The following PTPRK variants were observed in gnomAD, a reference collection of about 807,000 sequenced individuals.
PTPRK encodes the protein receptor-type tyrosine-protein phosphatase kappa.
PTPRK carries 75 observed loss-of-function variants against 178.0 expected under a neutral mutation model. The observed-to-expected ratio is 0.42, with a 90% CI of 0.35 to 0.51. PTPRK has a LOEUF of 0.51. Among genes scored for constraint, PTPRK ranks in the 20% least tolerant of loss-of-function variants. The pLI is 0.02. For synonymous variants in PTPRK, 637 were observed against 620.6 expected, an observed-to-expected ratio of 1.03 and a Z score of -0.39; for missense variants, 1,441 against 1,797.8, an observed-to-expected ratio of 0.80 and a Z score of 3.59.
intron 8 of PTPRK, among the ~76,000 whole-genome samples, chr6:128,088,067 T>C (rs1466303560): frequency 2.0e-5 from 3 of 152,162 alleles, no homozygotes; most frequent in Non-Finnish European, 4.4e-5. Context: ...AACATTCTGT[T>C]TTATGAAACT....
chr6:128,307,412 G>A (rs1019606894), intron 3 of PTPRK, among the ~76,000 whole-genome samples: 9 of 149,564 alleles, frequency 6.0e-5, no homozygotes, highest in African/African-American at 2.2e-4. Flanking sequence ...AATAACCTCA[G>A]TGCTGGGAAG....
chr6:128,325,145 A>G (rs1829372637), intron 2 of PTPRK, among the ~76,000 whole-genome samples: 2 of 152,188 alleles, frequency 1.3e-5, no homozygotes, highest in South Asian at 4.1e-4. Flanking sequence ...AATATTCCTT[A>G]CAGTCTCTTG....
intron 1 of PTPRK, among the ~76,000 whole-genome samples, chr6:128,455,373 T>A (rs1458925826): frequency 6.6e-6 from 1 of 152,174 alleles, no homozygotes; most frequent in Non-Finnish European, 1.5e-5. Flanking sequence ...TTTCCTGACC[T>A]TGAAAGCAGG....
At chr6:128,069,331 T>G (rs1418335615) in intron 11 of PTPRK, among the ~76,000 whole-genome samples, 2 of 152,160 alleles carry the variant, frequency 1.3e-5, no homozygotes, top group Non-Finnish European at 2.9e-5. Context: ...AAATTATATG[T>G]GCTGCATCAT....
chr6:128,196,648 A>G (rs1323185693), intron 6 of PTPRK, among the ~76,000 whole-genome samples: 4 of 152,144 alleles, frequency 2.6e-5, no homozygotes, highest in Non-Finnish European at 4.4e-5. Flanking sequence ...TTTCCAGGCT[A>G]GTAAAATAGT....
intron 1 of PTPRK, among the ~76,000 whole-genome samples, chr6:128,451,697 T>C (rs956926662): frequency 1.3e-5 from 2 of 152,138 alleles, no homozygotes; most frequent in African/African-American, 2.4e-5. Context: ...TGCTAACATG[T>C]AATGGGTTTT....
intron 2 of PTPRK, among the ~76,000 whole-genome samples, chr6:128,349,290 A>G (rs940102297): frequency 3.9e-5 from 6 of 152,104 alleles, no homozygotes; most frequent in African/African-American, 1.4e-4. Flanking sequence ...ACTGAAATAT[A>G]TTTGCCCATA....
At chr6:128,190,835 C>T (rs116990621) in intron 6 of PTPRK, among the ~76,000 whole-genome samples, 2,176 of 152,184 alleles carry the variant, frequency 0.014, 22 homozygotes, top group Non-Finnish European at 0.023. Flanking sequence ...TCAGGTGGCT[C>T]ATAAGCTTGT....
chr6:128,369,441 TG>T (rs1835967914), intron 2 of PTPRK, among the ~76,000 whole-genome samples: 3 of 152,134 alleles, frequency 2.0e-5, no homozygotes, highest in Non-Finnish European at 2.9e-5. Flanking sequence ...GATCCTGGTC[TG>T]ATAAATAGGA....
chr6:128,190,529 C>T (rs747254390), intron 6 of PTPRK, among the ~76,000 whole-genome samples: 5 of 108,458 alleles, frequency 4.6e-5, no homozygotes, highest in African/African-American at 7.9e-5. Flanking sequence ...GACAGAGTCT[C>T]GCTCTGTTAT....
At chr6:128,156,719 T>C (rs1036333269) in intron 7 of PTPRK, among the ~76,000 whole-genome samples, 5 of 151,956 alleles carry the variant, frequency 3.3e-5, no homozygotes, top group African/African-American at 1.2e-4. Context: ...TATACAATCG[T>C]TATTTAAGAA....
chr6:128,359,870 T>G (rs1006345863), intron 2 of PTPRK, among the ~76,000 whole-genome samples: 1 of 152,232 alleles, frequency 6.6e-6, no homozygotes, highest in Non-Finnish European at 1.5e-5. Context: ...ATAGAGTGCA[T>G]GGCAATAATT....
chr6:128,412,380 G>C (rs1285834793), intron 1 of PTPRK, among the ~76,000 whole-genome samples: 5 of 152,306 alleles, frequency 3.3e-5, no homozygotes, highest in Non-Finnish European at 1.5e-5. Flanking sequence ...CCATTTTATT[G>C]ATGAGGAAAC....
chr6:127,985,254 A>C (rs1381460413), intron 22 of PTPRK, among the ~76,000 whole-genome samples: 5 of 152,182 alleles, frequency 3.3e-5, no homozygotes, highest in Non-Finnish European at 7.3e-5. Flanking sequence ...TCTAATGTGA[A>C]TTCTTTAAAA....
At chr6:128,308,428 TAATAA>T (rs1304540032) in intron 3 of PTPRK, among the ~76,000 whole-genome samples, 1 of 151,730 alleles carries the variant, frequency 6.6e-6, no homozygotes, top group African/African-American at 2.4e-5. Flanking sequence ...AAATAAATAT[TAATAA>T]AAGAAAATTA....
Position 127,990,893 on chromosome 6 carries a change from A to G in PTPRK, c.2980-8T>C. On this transcript the variant is annotated splice_region_variant and splice_polypyrimidine_tract_variant and intron_variant, in intron 20 of 29. Transcript: ENST00000368226. ...ATATTTATAGCATTTAACCTAAGTG[A>G]CAAAAAGAATATATAGACAGACCTG... is the stretch of plus-strand genomic sequence containing the variant. 1 of 1,520,970 alleles carries G rather than the reference A, an allele frequency of 6.6e-7. No individual in the cohort carries two copies. The highest frequency in any genetic ancestry group is 9.1e-7 in the Non-Finnish European group (1 of 1,096,060). 94.2% of individuals were successfully genotyped at this position (1,520,970 alleles called of 1,614,324 possible).
rs950725794 is a variant in PTPRK at position 128,218,834 on chromosome 6, G to A, written c.868+88C>T. On this transcript the variant is annotated intron_variant, in intron 6 of 29. Coordinates refer to ENST00000368226, the MANE Select transcript of PTPRK (RefSeq NM_002844.4). ...GTGACTTGACATCAGAAACACTATG[G>A]TTTAAAAATCAATCAAAATATCTAC... 8 of 1,196,672 alleles carry A rather than the reference G, an allele frequency of 6.7e-6. No individual in the cohort carries two copies. In the Admixed American group the frequency reaches 1.7e-4, roughly 25 times the overall value. The allele number at this position is 1,196,672 out of a possible 1,614,324, so 74.1% of individuals were successfully genotyped here.
intron 3 of PTPRK, among the ~76,000 whole-genome samples, chr6:128,299,809 T>C (rs1189288097): frequency 1.3e-5 from 2 of 152,106 alleles, no homozygotes; most frequent in African/African-American, 2.4e-5. Context: ...GACATAGGCA[T>C]GGGAAAGGAC....
At chr6:128,345,708 T>G (rs1274580231) in intron 2 of PTPRK, among the ~76,000 whole-genome samples, 1 of 152,222 alleles carries the variant, frequency 6.6e-6, no homozygotes, top group Non-Finnish European at 1.5e-5. Flanking sequence ...GCTGGAGAGA[T>G]AATATATGTG....
Sources: gnomAD v4.1 joint callset for allele counts (sites outside exome capture counted in the v4.1 genomes callset) on GRCh38, gnomAD v4.1.1 for gene constraint, MANE v1.5 for transcripts, NCBI Gene and HGNC (gene_info 2026-07-23, HGNC 2026-07-21) for gene names.